The following MAGI2 variants were observed in gnomAD, a reference collection of about 807,000 sequenced individuals.
MAGI2 encodes membrane associated guanylate kinase, WW and PDZ domain containing 2.
MAGI2 carries 35 observed loss-of-function variants against 133.3 expected under a neutral mutation model. The observed-to-expected ratio is 0.26, with a 90% CI of 0.20 to 0.35. The LOEUF (loss-of-function observed/expected upper bound fraction) is 0.35. MAGI2 is among the 10% of genes least tolerant of loss of function. The probability of loss-of-function intolerance (pLI) is 1.00; values close to 1 mark genes in which losing one functional copy is unlikely to be tolerated. For missense variants in MAGI2, 1,636 were observed against 1,863.4 expected, an observed-to-expected ratio of 0.88 and a Z score of 2.25; for synonymous variants, 729 against 710.6, an observed-to-expected ratio of 1.03 and a Z score of -0.41.
chr7:78,331,744 T>C (rs762219046), intron 9 of MAGI2, among the ~76,000 whole-genome samples: 19 of 152,192 alleles, frequency 1.2e-4, no homozygotes, highest in Non-Finnish European at 2.2e-4. Flanking sequence ...TACTCTAATA[T>C]AACATTCCTG....
chr7:79,207,186 T>C lies in MAGI2; in HGVS notation c.302-199980A>G, dbSNP rs527995272. Among the ~76,000 whole-genome samples, 5 of 152,032 alleles carry C rather than the reference T, an allele frequency of 3.3e-5. No individual in the cohort carries two copies. In the East Asian group the frequency reaches 9.7e-4, roughly 29 times the overall value. On this transcript the variant is annotated intron_variant, in intron 1 of 21. Coordinates refer to ENST00000354212, the MANE Select transcript of MAGI2 (RefSeq NM_012301.4). Reference sequence around the variant, plus strand: ...AGACAAGGATGCCTACTCTCACCACTTTTATCCAATACAGTACTGCACGTT... The same window carrying C: ...AGACAAGGATGCCTACTCTCACCACCTTTATCCAATACAGTACTGCACGTT...
At chr7:78,956,181 C>T (rs1319013450) in intron 2 of MAGI2, among the ~76,000 whole-genome samples, 3 of 152,124 alleles carry the variant, frequency 2.0e-5, no homozygotes, top group Non-Finnish European at 4.4e-5. Context: ...TTGCACTCTG[C>T]AATGTCTGAA....
intron 2 of MAGI2, among the ~76,000 whole-genome samples, chr7:78,758,378 G>T (rs1282909836): frequency 6.6e-6 from 1 of 151,952 alleles, no homozygotes; most frequent in East Asian, 1.9e-4. Context: ...TAGAATGCAT[G>T]GTTTCCATTT....
At chr7:78,933,933 T>C (rs1447560773) in intron 2 of MAGI2, among the ~76,000 whole-genome samples, 1 of 152,110 alleles carries the variant, frequency 6.6e-6, no homozygotes. Context: ...CTTCTGGTGT[T>C]TCTTCACACC....
chr7:78,392,507 C>G (rs537073324), intron 6 of MAGI2, among the ~76,000 whole-genome samples: 1 of 152,144 alleles, frequency 6.6e-6, no homozygotes, highest in Admixed American at 6.5e-5. Context: ...TAATATAGAT[C>G]AACTAATGGA....
intron 1 of MAGI2, among the ~76,000 whole-genome samples, chr7:79,292,657 A>AG (rs1836585263): frequency 6.6e-6 from 1 of 150,872 alleles, no homozygotes; most frequent in Non-Finnish European, 1.5e-5. Flanking sequence ...AGAAAAAAAA[A>AG]GTTTTAAAAT....
chr7:78,155,513 A>T (rs1824302509), intron 16 of MAGI2, among the ~76,000 whole-genome samples: 1 of 152,118 alleles, frequency 6.6e-6, no homozygotes. Context: ...CAGGAGGCTG[A>T]GGTGGGAGGA....
rs58788674 is a variant in MAGI2 at position 78,057,977 on chromosome 7, G to GTATATATATATATATATATATATA, written c.3706+20946_3706+20969dup. ...CCCCTCTGGCATTTTATATATATGT[G>GTATATATATATATATATATATATA]TATATATATATATATATATATATAT... On this transcript the variant is annotated intron_variant, in intron 21 of 21. Transcript: ENST00000354212. Among the ~76,000 whole-genome samples the GTATATATATATATATATATATATA allele has an allele frequency of 4.1e-3, 440 of 106,290 alleles. 12 individuals are homozygous for GTATATATATATATATATATATATA. The highest frequency in any genetic ancestry group is 6.5e-3 in the Non-Finnish European group (316 of 48,736). The allele number at this position is 106,290 out of a possible 152,430, so 69.7% of individuals were successfully genotyped here.
intron 1 of MAGI2, among the ~76,000 whole-genome samples, chr7:79,140,329 T>C (rs1245663270): frequency 6.6e-6 from 1 of 152,206 alleles, no homozygotes; most frequent in African/African-American, 2.4e-5. Flanking sequence ...CATATCTATT[T>C]ATCAATTATT....
chr7:79,141,239 A>G (rs1312453911), intron 1 of MAGI2, among the ~76,000 whole-genome samples: 7 of 152,312 alleles, frequency 4.6e-5, no homozygotes, highest in Admixed American at 4.6e-4. Flanking sequence ...CATCAGGTGC[A>G]ACATTTACCA....
intron 3 of MAGI2, among the ~76,000 whole-genome samples, chr7:78,603,403 G>A (rs1805423290): frequency 6.6e-6 from 1 of 152,198 alleles, no homozygotes; most frequent in Admixed American, 6.5e-5. Context: ...TAGCTCTGAT[G>A]TCATTTAGGA....
rs555972573 is a variant in MAGI2, at chr7:78,976,223, T to C, written c.418+30867A>G. 5.9e-5 allele frequency among the ~76,000 whole-genome samples: 9 copies of C among 151,694 alleles called. No individual in the cohort carries two copies. The East Asian group carries it at 7.8e-4, about 13-fold the overall frequency. On this transcript the variant is annotated intron_variant, in intron 2 of 21. Transcript: ENST00000354212. ...CATCAAAAATGTATAAAATAAGTTA[T>C]AAACTACAGACTGGTAAGATTTGTT... is the stretch of plus-strand genomic sequence containing the variant.
At chr7:78,906,212 C>T (rs1033708414) in intron 2 of MAGI2, among the ~76,000 whole-genome samples, 14 of 152,352 alleles carry the variant, frequency 9.2e-5, no homozygotes, top group Admixed American at 2.6e-4. Flanking sequence ...CCACTATAAT[C>T]GTGGGAACAC....
At chr7:79,074,126 C>A (rs1012112390) in intron 1 of MAGI2, among the ~76,000 whole-genome samples, 9 of 152,096 alleles carry the variant, frequency 5.9e-5, no homozygotes, top group Middle Eastern at 3.2e-3. Context: ...TCGCTTGTCA[C>A]TTGTTTGTCA....
intron 14 of MAGI2, among the ~76,000 whole-genome samples, chr7:78,172,955 G>T (rs898807612): frequency 6.6e-6 from 1 of 152,166 alleles, no homozygotes; most frequent in Non-Finnish European, 1.5e-5. Flanking sequence ...TGGTTGTTTT[G>T]GAGAGACTTA....
At chr7:78,774,401 C>A (rs199975958) in intron 2 of MAGI2, among the ~76,000 whole-genome samples, 1 of 152,236 alleles carries the variant, frequency 6.6e-6, no homozygotes, top group South Asian at 2.1e-4. Context: ...TAACGCTGTA[C>A]GAAGCCTCAC....
intron 1 of MAGI2, among the ~76,000 whole-genome samples, chr7:79,128,851 C>T (rs1030717322): frequency 3.3e-5 from 5 of 152,138 alleles, no homozygotes; most frequent in African/African-American, 9.7e-5. Flanking sequence ...ATCTAACATA[C>T]TAAACACCAT....
chr7:79,080,749 C>T (rs1815967338), intron 1 of MAGI2, among the ~76,000 whole-genome samples: 1 of 152,032 alleles, frequency 6.6e-6, no homozygotes, highest in South Asian at 2.1e-4. Flanking sequence ...CTCTTAATAT[C>T]TAACCCTTCA....
At chr7:78,721,837 C>T (rs1820297818) in intron 2 of MAGI2, among the ~76,000 whole-genome samples, 1 of 151,662 alleles carries the variant, frequency 6.6e-6, no homozygotes, top group African/African-American at 2.4e-5. Context: ...TTTTTATTTT[C>T]TTCAAGAGAA....
Sources: gnomAD v4.1 joint callset for allele counts (sites outside exome capture counted in the v4.1 genomes callset) on GRCh38, gnomAD v4.1.1 for gene constraint, MANE v1.5 for transcripts, NCBI Gene and HGNC (gene_info 2026-07-23, HGNC 2026-07-21) for gene names.